RBFOX1: variants seen among roughly 807,000 people sequenced by gnomAD.
The protein encoded by RBFOX1 is RNA binding protein fox-1 homolog 1.
In RBFOX1, 8 loss-of-function variants were observed where a neutral mutation model predicts 57.7. That is an observed-to-expected ratio of 0.14 (90% CI 0.08 to 0.25). The LOEUF is 0.25. Among genes scored for constraint, RBFOX1 ranks in the 10% least tolerant of loss-of-function variants. The probability of loss-of-function intolerance (pLI) is 1.00; values close to 1 mark genes in which losing one functional copy is unlikely to be tolerated. For missense variants in RBFOX1, 611 were observed against 548.5 expected (o/e 1.11, Z -1.14); for synonymous variants, 326 against 222.4 (o/e 1.47, Z -4.15).
At chr16:6,662,107 G>A (rs1363753174) in intron 3 of RBFOX1, among the ~76,000 whole-genome samples, 1 of 141,278 alleles carries the variant, frequency 7.1e-6, no homozygotes, top group East Asian at 2.1e-4. Context: ...CAGAGAGTAG[G>A]ATGGTGGTTG....
intron 1 of RBFOX1, among the ~76,000 whole-genome samples, chr16:6,020,652 G>C (rs1332650948): frequency 6.6e-6 from 1 of 152,160 alleles, no homozygotes; most frequent in Non-Finnish European, 1.5e-5. Flanking sequence ...CCCCAGAGAA[G>C]GAAACACAGG....
intron 4 of RBFOX1, among the ~76,000 whole-genome samples, chr16:7,476,183 G>T (rs187238428): frequency 9.9e-5 from 15 of 152,200 alleles, no homozygotes; most frequent in Admixed American, 4.6e-4. Flanking sequence ...ATGTTGCCCA[G>T]GCTGGTCTTG....
chr16:6,478,429 A>ATATATTT (rs1159954387), intron 2 of RBFOX1, among the ~76,000 whole-genome samples: 33 of 24,570 alleles, frequency 1.3e-3, no homozygotes, highest in Non-Finnish European at 1.6e-3. Flanking sequence ...ATATATATAT[A>ATATATTT]TTTTTTTTTT....
intron 4 of RBFOX1, among the ~76,000 whole-genome samples, chr16:7,434,578 C>G (rs1407416335): frequency 6.6e-6 from 1 of 151,992 alleles, no homozygotes. Flanking sequence ...CCACCATGAC[C>G]TACTGGACTG....
At chr16:6,193,003 G>A (rs2097151622) in intron 1 of RBFOX1, among the ~76,000 whole-genome samples, 1 of 152,078 alleles carries the variant, frequency 6.6e-6, no homozygotes, top group African/African-American at 2.4e-5. Flanking sequence ...TTCATCTGAT[G>A]GCTGTGAAAT....
intron 1 of RBFOX1, among the ~76,000 whole-genome samples, chr16:6,224,143 C>A (rs1747631756): frequency 1.3e-5 from 2 of 151,974 alleles, no homozygotes; most frequent in Non-Finnish European, 2.9e-5. Flanking sequence ...CGTGATGCCT[C>A]CAGCTTTGTT....
At chr16:6,068,351 T>A (rs922616968) in intron 1 of RBFOX1, among the ~76,000 whole-genome samples, 26 of 152,282 alleles carry the variant, frequency 1.7e-4, no homozygotes, top group African/African-American at 6.0e-4. Context: ...ACTGAGTAGT[T>A]AAGGTAAATA....
intron 4 of RBFOX1, among the ~76,000 whole-genome samples, chr16:7,158,958 G>T (rs776218286): frequency 1.3e-5 from 2 of 152,086 alleles, no homozygotes; most frequent in Non-Finnish European, 1.5e-5. Context: ...CACCAACACA[G>T]TGAAGATATA....
chr16:6,675,905 C>A (rs1019338865), intron 3 of RBFOX1, among the ~76,000 whole-genome samples: 3 of 149,272 alleles, frequency 2.0e-5, no homozygotes, highest in African/African-American at 7.3e-5. Context: ...AACCATATCA[C>A]ATGGGATGTG....
chr16:7,070,153 A>G (rs577672649), intron 4 of RBFOX1, among the ~76,000 whole-genome samples: 1 of 152,294 alleles, frequency 6.6e-6, no homozygotes, highest in African/African-American at 2.4e-5. Flanking sequence ...GCATTTCCCA[A>G]AAGTTAAAAA....
chr16:7,215,818 G>C (rs930729400), intron 4 of RBFOX1, among the ~76,000 whole-genome samples: 2 of 149,190 alleles, frequency 1.3e-5, no homozygotes, highest in Non-Finnish European at 1.5e-5. Context: ...TCTGCCTCTC[G>C]GGTTCACGCC....
At chr16:6,293,238 C>T (rs919943470) in intron 1 of RBFOX1, among the ~76,000 whole-genome samples, 2 of 152,102 alleles carry the variant, frequency 1.3e-5, no homozygotes, top group African/African-American at 4.8e-5. Context: ...TACCAAATCA[C>T]AGAGCTAAGA....
intron 9 of RBFOX1, among the ~76,000 whole-genome samples, chr16:7,603,876 G>GT (rs911147428): frequency 5.9e-5 from 9 of 151,906 alleles, no homozygotes; most frequent in African/African-American, 1.5e-4. Flanking sequence ...CAAAGCTGAT[G>GT]TTTTTTTTAA....
At chr16:5,567,408 C>G (rs1351555496) in intron 2 of RBFOX1, among the ~76,000 whole-genome samples, 3 of 152,092 alleles carry the variant, frequency 2.0e-5, no homozygotes, top group African/African-American at 7.2e-5. Context: ...TAAGTCTGAA[C>G]ACAGCCAATC....
At chr16:5,842,251 G>C (rs1186823408) in intron 3 of RBFOX1, among the ~76,000 whole-genome samples, 1 of 152,130 alleles carries the variant, frequency 6.6e-6, no homozygotes, top group Non-Finnish European at 1.5e-5. Flanking sequence ...TTCCTAGTGA[G>C]ATGCAGGAGA....
intron 4 of RBFOX1, among the ~76,000 whole-genome samples, chr16:7,100,410 C>T (rs1333129881): frequency 6.6e-6 from 1 of 152,052 alleles, no homozygotes; most frequent in East Asian, 1.9e-4. Context: ...TGACGTATTT[C>T]CTCCTCTTTT....
rs28619496 is a variant in RBFOX1 at position 5,816,249 on chromosome 16, C to T, written c.319-51054C>T. ...AGAAGCAGGCGGAATACCTTCTCCC[C>T]TTGGCTACCTATTCCTTCAAGCTCT... On this transcript the variant is annotated intron_variant, in intron 3 of 19. Coordinates refer to the RBFOX1 transcript ENST00000641259. Among the ~76,000 whole-genome samples, 827 of 152,290 alleles carry T rather than the reference C, an allele frequency of 5.4e-3. 7 individuals are homozygous for T. Among genetic ancestry groups the T allele is most frequent in the African/African-American group, 0.017 (709 of 41,548 alleles).
chr16:6,530,498 C>G (rs2096642666), intron 2 of RBFOX1, among the ~76,000 whole-genome samples: 1 of 152,182 alleles, frequency 6.6e-6, no homozygotes, highest in African/African-American at 2.4e-5. Context: ...CGATGCATAA[C>G]TATCACAGAT....
intron 1 of RBFOX1, among the ~76,000 whole-genome samples, chr16:6,030,160 T>A (rs1231080488): frequency 6.6e-6 from 1 of 152,082 alleles, no homozygotes; most frequent in Non-Finnish European, 1.5e-5. Context: ...ACTCCTGGGG[T>A]CAAGCAATCT....
Sources: gnomAD v4.1 joint callset for allele counts (sites outside exome capture counted in the v4.1 genomes callset) on GRCh38, gnomAD v4.1.1 for gene constraint, MANE v1.5 for transcripts, NCBI Gene and HGNC (gene_info 2026-07-23, HGNC 2026-07-21) for gene names.